Variants in GAN observed in about 807,000 individuals in gnomAD.
GAN encodes epididymis secretory sperm binding protein.
In GAN, 48 loss-of-function variants were observed where a neutral mutation model predicts 71.3. That is an observed-to-expected ratio of 0.67 (90% CI 0.53 to 0.86). GAN has a LOEUF of 0.86. Ranked by LOEUF, GAN falls within the 40% of genes least tolerant of loss-of-function variation. GAN has a pLI of 0.00. For missense variants in GAN, 928 were observed against 770.1 expected, an observed-to-expected ratio of 1.21 and a Z score of -2.43; for synonymous variants, 386 against 276.8, an observed-to-expected ratio of 1.39 and a Z score of -3.92.
Position 81,381,503 on chromosome 16 carries a change from C to T in GAN, c.*3907C>T, listed in dbSNP as rs1904304727. On this transcript the variant is annotated 3_prime_UTR_variant, in exon 11 of 11. Coordinates refer to ENST00000648994, the MANE Select transcript of GAN (RefSeq NM_022041.4). ...TGGCTGCTCACTGAGCACTGGAGTC[C>T]AGGAAGTCAGTGAGAAGAGAGCAGC... 6.6e-6 allele frequency: 1 copy of T among 152,174 alleles called. No individual in the cohort carries two copies. The highest frequency in any genetic ancestry group is 2.1e-4 in the South Asian group (1 of 4,834). 9.4% of individuals were successfully genotyped at this position (152,174 alleles called of 1,614,324 possible). A position where few individuals can be genotyped will look rare whatever the true frequency, so the allele number is the denominator to read the frequency against.
rs1022894311 is a variant in GAN at position 81,354,578 on chromosome 16, T to G, written c.456T>G (p.Leu152=). 2 of 1,614,044 alleles carry G rather than the reference T, an allele frequency of 1.2e-6. No individual in the cohort carries two copies. Among genetic ancestry groups the G allele is most frequent in the African/African-American group, 2.7e-5 (2 of 74,920 alleles). Residue 152 remains leucine, a synonymous_variant, in exon 3 of 11, where the codon CTT becomes CTG. Coordinates refer to ENST00000648994, the MANE Select transcript of GAN (RefSeq NM_022041.4). ...LHYCLHHVHY[L]ATEYLETHFR... ...ACTGCCTCCATCACGTTCATTACCTTGCCACAGAATACCTGGAGACTCATT... is the reference window on the plus strand; with the variant it reads ...ACTGCCTCCATCACGTTCATTACCTGGCCACAGAATACCTGGAGACTCATT...
At position 81,380,741 on chromosome 16, in the gene GAN, T is replaced by C. The variant is rs1040045192; in HGVS notation, c.*3145T>C. ...CTCATATTGAGTGTAAATATTGAAA[T>C]ATTTGTAGTTTATAGTAAGTTTTAC... On this transcript the variant is annotated 3_prime_UTR_variant, in exon 11 of 11. Coordinates refer to ENST00000648994, the MANE Select transcript of GAN (RefSeq NM_022041.4). 3 of 152,224 alleles carry C rather than the reference T, an allele frequency of 2.0e-5. No homozygotes were observed. Among genetic ancestry groups the C allele is most frequent in the Non-Finnish European group, 4.4e-5 (3 of 68,044 alleles). The allele number at this position is 152,224 out of a possible 1,614,324, so 9.4% of individuals were successfully genotyped here.
chr16:81,329,825 C>G (rs867654911), intron 1 of GAN, among the ~76,000 whole-genome samples: 3 of 152,176 alleles, frequency 2.0e-5, no homozygotes, highest in African/African-American at 7.2e-5. Flanking sequence ...GTGATCTCAT[C>G]TACCCCAGAG....
chr16:81,367,226 T>A (rs953414821), intron 9 of GAN, among the ~76,000 whole-genome samples: 1 of 152,144 alleles, frequency 6.6e-6, no homozygotes, highest in Admixed American at 6.5e-5. Context: ...TTCTTTGCTG[T>A]TTAAAAGCAC....
intron 1 of GAN, among the ~76,000 whole-genome samples, chr16:81,319,715 C>A (rs899547945): frequency 3.9e-5 from 6 of 152,076 alleles, no homozygotes; most frequent in Admixed American, 3.3e-4. Flanking sequence ...CCCGACCCCC[C>A]CTTATTTTTT....
rs985574019 is a variant in GAN at position 81,388,676 on chromosome 16, C to T, written c.*11080C>T. 1.3e-5 allele frequency: 2 copies of T among 152,432 alleles called. No homozygotes were observed. The highest frequency in any genetic ancestry group is 2.9e-5 in the Non-Finnish European group (2 of 68,194). The allele number at this position is 152,432 out of a possible 1,614,324, so 9.4% of individuals were successfully genotyped here. A position where few individuals can be genotyped will look rare whatever the true frequency, so the allele number is the denominator to read the frequency against. On this transcript the variant is annotated 3_prime_UTR_variant, in exon 11 of 11. Transcript: ENST00000648994. ...GCCTCTTGTGTGACAGGCCCTCTGC[C>T]ATGTCTGTCCGCAGAGCCGGGTGGG...
Position 81,342,449 on chromosome 16 carries a change from A to G in GAN, c.168-9134A>G, listed in dbSNP as rs554897653. ...ACAAACTGTCTCAGACCACAGTGCA[A>G]TCAAATTAGAATTCAGGATTCAGAC... On this transcript the variant is annotated intron_variant, in intron 1 of 10. Coordinates refer to ENST00000648994, the MANE Select transcript of GAN (RefSeq NM_022041.4). Among the ~76,000 whole-genome samples, 241 of 152,386 alleles carry G rather than the reference A, an allele frequency of 1.6e-3. 1 individual carries two copies. Among genetic ancestry groups the G allele is most frequent in the African/African-American group, 5.6e-3 (233 of 41,594 alleles).
At chr16:81,348,862 G>C (rs946868449) in intron 1 of GAN, among the ~76,000 whole-genome samples, 1 of 152,154 alleles carries the variant, frequency 6.6e-6, no homozygotes, top group Non-Finnish European at 1.5e-5. Flanking sequence ...TTTGTTTCTT[G>C]CTTGGAAGAT....
At chr16:81,347,870 A>G (rs1597398305) in intron 1 of GAN, among the ~76,000 whole-genome samples, 1 of 151,638 alleles carries the variant, frequency 6.6e-6, no homozygotes, top group East Asian at 1.9e-4. Context: ...GAGTGGGTCT[A>G]TTTTCATCCG....
intron 3 of GAN, among the ~76,000 whole-genome samples, chr16:81,356,249 C>T (rs1044852274): frequency 2.6e-5 from 4 of 151,928 alleles, no homozygotes; most frequent in African/African-American, 9.7e-5. Flanking sequence ...AGTGTAAATT[C>T]ATATTAGTCG....
chr16:81,333,821 C>A (rs557258576), intron 1 of GAN, among the ~76,000 whole-genome samples: 1 of 152,186 alleles, frequency 6.6e-6, no homozygotes, highest in Non-Finnish European at 1.5e-5. Context: ...TTTGGTTACA[C>A]GTTGTAGCTG....
intron 1 of GAN, among the ~76,000 whole-genome samples, chr16:81,326,082 T>C (rs1376700124): frequency 6.6e-6 from 1 of 152,204 alleles, no homozygotes; most frequent in Non-Finnish European, 1.5e-5. Flanking sequence ...GTTCATGGTG[T>C]GTGCCTTCAG....
chr16:81,358,429 G>C (rs1295483059), intron 5 of GAN, among the ~76,000 whole-genome samples: 3 of 152,040 alleles, frequency 2.0e-5, no homozygotes, highest in Non-Finnish European at 2.9e-5. Flanking sequence ...CAATGTAGGA[G>C]AGAAACTGTC....
chr16:81,337,365 C>G (rs1165471543), intron 1 of GAN, among the ~76,000 whole-genome samples: 2 of 152,212 alleles, frequency 1.3e-5, no homozygotes, highest in Non-Finnish European at 2.9e-5. Context: ...ACATTACATT[C>G]TCTTGCATTC....
At chr16:81,338,289 G>T (rs750060002) in intron 1 of GAN, among the ~76,000 whole-genome samples, 1 of 152,092 alleles carries the variant, frequency 6.6e-6, no homozygotes. Context: ...TAATTAAAAA[G>T]AATATTAAGA....
chr16:81,315,050 G>C lies in GAN; in HGVS notation c.-64G>C. The C allele has an allele frequency of 7.6e-7, 1 of 1,312,470 alleles. No individual in the cohort carries two copies. Among genetic ancestry groups the C allele is most frequent in the Non-Finnish European group, 9.9e-7 (1 of 1,013,298 alleles). 81.3% of individuals were successfully genotyped at this position (1,312,470 alleles called of 1,614,324 possible). A position where few individuals can be genotyped will look rare whatever the true frequency, so the allele number is the denominator to read the frequency against. Reference sequence around the variant, plus strand: ...CGGGCGCGCGCGCAGGACTCGGGCCGCTCGAGGGGTCCGGCCGGACGGTGT... The same window carrying C: ...CGGGCGCGCGCGCAGGACTCGGGCCCCTCGAGGGGTCCGGCCGGACGGTGT... On this transcript the variant is annotated 5_prime_UTR_variant, in exon 1 of 11. Coordinates refer to ENST00000648994, the MANE Select transcript of GAN (RefSeq NM_022041.4).
intron 9 of GAN, among the ~76,000 whole-genome samples, chr16:81,376,157 T>C (rs796960345): frequency 1.3e-5 from 2 of 151,622 alleles, no homozygotes; most frequent in African/African-American, 2.4e-5. Flanking sequence ...TGCAAAATTA[T>C]GGCACAAAGC....
Position 81,354,503 on chromosome 16 carries a change from C to G in GAN, c.381C>G (p.Gly127=), listed in dbSNP as rs1355048878. 2 of 1,613,874 alleles carry G rather than the reference C, an allele frequency of 1.2e-6. No individual in the cohort carries two copies. Among genetic ancestry groups the G allele is most frequent in the Admixed American group, 1.7e-5 (1 of 60,022 alleles). ...LKTLCCEFLE[G]CIAAENCIGI... ...CCCTGTGCTGTGAGTTTTTGGAAGGCTGCATTGCTGCTGAGAACTGTATTG... is the reference window on the plus strand; with the variant it reads ...CCCTGTGCTGTGAGTTTTTGGAAGGGTGCATTGCTGCTGAGAACTGTATTG... Residue 127 remains glycine, a synonymous_variant, in exon 3 of 11, where the codon GGC becomes GGG. Coordinates refer to ENST00000648994, the MANE Select transcript of GAN (RefSeq NM_022041.4).
intron 1 of GAN, among the ~76,000 whole-genome samples, chr16:81,331,751 C>T (rs923995086): frequency 6.6e-6 from 1 of 152,166 alleles, no homozygotes; most frequent in African/African-American, 2.4e-5. Flanking sequence ...TAGAGCAAAT[C>T]TCTAAATTTA....
Sources: gnomAD v4.1 joint callset for allele counts (sites outside exome capture counted in the v4.1 genomes callset) on GRCh38, gnomAD v4.1.1 for gene constraint, MANE v1.5 for transcripts, NCBI Gene and HGNC (gene_info 2026-07-23, HGNC 2026-07-21) for gene names.